The following ERO1A variants were observed in gnomAD, a reference collection of about 807,000 sequenced individuals.
ERO1A encodes endoplasmic reticulum oxidoreductase 1 alpha.
A neutral mutation model predicts 76.9 loss-of-function variants in ERO1A; 49 were observed. That is an observed-to-expected ratio of 0.64 (90% CI 0.51 to 0.81). ERO1A has a LOEUF of 0.81. ERO1A is among the 30% of genes least tolerant of loss of function. ERO1A has a pLI of 0.00. For missense variants in ERO1A, 448 were observed against 542.1 expected (o/e 0.83, Z 1.72); for synonymous variants, 174 against 181.2 (o/e 0.96, Z 0.32).
intron 13 of ERO1A, 109 bp from the exon 14 acceptor site, chr14:52,646,570 C>A: frequency 1.4e-6 from 1 of 731,538 alleles, no homozygotes; most frequent in Non-Finnish European, 2.3e-6. Context: ...CTATGGGGTA[C>A]CAAAAATGAG....
At chr14:52,644,491 A>G (rs1487329409) in intron 15 of ERO1A, among the ~76,000 whole-genome samples, 6 of 152,212 alleles carry the variant, frequency 3.9e-5, no homozygotes, top group Non-Finnish European at 8.8e-5. Flanking sequence ...ATTCATAAGT[A>G]TACTCCCTTA....
intron 7 of ERO1A, among the ~76,000 whole-genome samples, chr14:52,664,759 T>C (rs1320440403): frequency 6.6e-6 from 1 of 151,922 alleles, no homozygotes; most frequent in African/African-American, 2.4e-5. Context: ...TGGTGCAATC[T>C]GGGCTCACTG....
chr14:52,686,781 C>T (rs62005426), intron 1 of ERO1A, among the ~76,000 whole-genome samples: 6 of 151,550 alleles, frequency 4.0e-5, no homozygotes, highest in South Asian at 2.1e-4. Flanking sequence ...AGGCTGAGGC[C>T]GGAGAATCGC....
intron 6 of ERO1A, among the ~76,000 whole-genome samples, chr14:52,671,398 C>T (rs538688867): frequency 3.3e-4 from 50 of 152,002 alleles, no homozygotes; most frequent in Admixed American, 5.3e-4. Context: ...TTTGAAGAAC[C>T]GCCAAACCGT....
intron 4 of ERO1A, among the ~76,000 whole-genome samples, chr14:52,672,791 AAAC>A (rs1467037211): frequency 6.7e-6 from 1 of 150,208 alleles, no homozygotes; most frequent in African/African-American, 2.5e-5. Flanking sequence ...AAAAAAAAAA[AAAC>A]AAAAAACAAA....
intron 13 of ERO1A, among the ~76,000 whole-genome samples, chr14:52,651,959 A>C (rs1283232232): frequency 2.0e-5 from 3 of 147,988 alleles, no homozygotes; most frequent in African/African-American, 7.5e-5. Context: ...CCCCACCCCC[A>C]GCCTGTGGTA....
chr14:52,684,481 G>C (rs1371127249), intron 1 of ERO1A, among the ~76,000 whole-genome samples: 1 of 152,122 alleles, frequency 6.6e-6, no homozygotes, highest in African/African-American at 2.4e-5. Context: ...ATGCTACTTG[G>C]GTATCTGAGG....
chr14:52,665,332 T>TA (rs1204053163), intron 7 of ERO1A, among the ~76,000 whole-genome samples: 1 of 151,440 alleles, frequency 6.6e-6, no homozygotes, highest in African/African-American at 2.4e-5. Flanking sequence ...AGTAAATCTT[T>TA]AAGTCAGTAA....
At chr14:52,682,168 T>C (rs1227899806) in intron 3 of ERO1A, among the ~76,000 whole-genome samples, 157 bp downstream of exon 3, 1 of 152,036 alleles carries the variant, frequency 6.6e-6, no homozygotes, top group African/African-American at 2.4e-5. Context: ...CTAAGGCAGA[T>C]GGATTGTTTG....
intron 7 of ERO1A, among the ~76,000 whole-genome samples, 175 bp downstream of exon 7, chr14:52,666,200 A>G (rs769849765): frequency 1.3e-5 from 2 of 152,212 alleles, no homozygotes; most frequent in Admixed American, 6.5e-5. Flanking sequence ...GTGGAAACTC[A>G]CGTCTATATA....
chr14:52,683,735 ATCT>A, intron 2 of ERO1A, 50 bp downstream of exon 2: 1 of 801,180 alleles, frequency 1.2e-6, no homozygotes, highest in East Asian at 3.0e-5. Context: ...TCTTAAGAAA[ATCT>A]AATTATCCAT....
chr14:52,646,558 T>C, intron 13 of ERO1A, 97 bp from the exon 14 acceptor site: 1 of 804,686 alleles, frequency 1.2e-6, no homozygotes, highest in Admixed American at 2.8e-5. Flanking sequence ...CTGTGCAAGG[T>C]ACTATGGGGT....
intron 15 of ERO1A, 106 bp from the exon 16 acceptor site, chr14:52,643,736 AAATT>A (rs1185292978): frequency 6.4e-6 from 4 of 629,402 alleles, no homozygotes; most frequent in African/African-American, 5.9e-5. Flanking sequence ...TTATTTCAAT[AAATT>A]TAAGGTGCAT....
At chr14:52,691,647 T>C (rs2041358641) in intron 1 of ERO1A, among the ~76,000 whole-genome samples, 1 of 152,198 alleles carries the variant, frequency 6.6e-6, no homozygotes, top group African/African-American at 2.4e-5. Context: ...CTAAATGCGC[T>C]CCAAGCTAAA....
intron 13 of ERO1A, among the ~76,000 whole-genome samples, chr14:52,648,901 G>A (rs555424791): frequency 7.9e-5 from 12 of 152,192 alleles, no homozygotes; most frequent in African/African-American, 2.4e-4. Flanking sequence ...TGCATCTTCT[G>A]CTTAAGTGAA....
intron 7 of ERO1A, among the ~76,000 whole-genome samples, chr14:52,665,072 T>C (rs1369734846): frequency 6.6e-6 from 1 of 151,194 alleles, no homozygotes; most frequent in Non-Finnish European, 1.5e-5. Flanking sequence ...GAGGCCGAGG[T>C]GGGTGGATCA....
At chr14:52,661,571 G>A (rs893842355) in intron 8 of ERO1A, among the ~76,000 whole-genome samples, 1 of 152,100 alleles carries the variant, frequency 6.6e-6, no homozygotes, top group African/African-American at 2.4e-5. Flanking sequence ...TACCCTGACA[G>A]GAGAGAAAAA....
rs745417113 is a variant in ERO1A, at chr14:52,650,772, A to C, written c.1125+1467T>G. On this transcript the variant is annotated intron_variant, in intron 13 of 15. Transcript: ENST00000395686. Reference sequence around the variant, plus strand: ...AATGACAAAAAATCGTGCTGTGCACATAATGAGTGTGTAATAAATCTTCCT... The same window carrying C: ...AATGACAAAAAATCGTGCTGTGCACCTAATGAGTGTGTAATAAATCTTCCT... Among the ~76,000 whole-genome samples, 91 of 152,334 alleles carry C rather than the reference A, an allele frequency of 6.0e-4. 1 individual carries two copies. Among genetic ancestry groups the C allele is most frequent in the Non-Finnish European group, 1.1e-3 (76 of 68,028 alleles).
At chr14:52,677,537 G>A (rs1038778312) in intron 4 of ERO1A, among the ~76,000 whole-genome samples, 4 of 152,064 alleles carry the variant, frequency 2.6e-5, no homozygotes, top group African/African-American at 9.7e-5. Context: ...TCTTGGGTGG[G>A]ATCCTAGAAC....
Sources: gnomAD v4.1 joint callset for allele counts (sites outside exome capture counted in the v4.1 genomes callset) on GRCh38, gnomAD v4.1.1 for gene constraint, MANE v1.5 for transcripts, NCBI Gene and HGNC (gene_info 2026-07-23, HGNC 2026-07-21) for gene names.